FSTL5: variants seen among roughly 807,000 people sequenced by gnomAD.
The protein encoded by FSTL5 is follistatin-related protein 5.
In FSTL5, 62 loss-of-function variants were observed where a neutral mutation model predicts 89.1. That is an observed-to-expected ratio of 0.70 (90% CI 0.57 to 0.86). FSTL5 has a LOEUF of 0.86. FSTL5 is among the 40% of genes least tolerant of loss of function. The probability of loss-of-function intolerance (pLI) is 0.00; values close to 1 mark genes in which losing one functional copy is unlikely to be tolerated. For synonymous variants in FSTL5, 383 were observed against 346.2 expected (o/e 1.11, Z -1.18); for missense variants, 1,057 against 1,001.6 (o/e 1.06, Z -0.75).
At chr4:162,149,097 TG>T (rs907838896) in intron 1 of FSTL5, among the ~76,000 whole-genome samples, 3 of 152,178 alleles carry the variant, frequency 2.0e-5, no homozygotes, top group African/African-American at 7.2e-5. Flanking sequence ...ATTCAAAAAT[TG>T]TTTTGAAAAC....
At chr4:162,141,305 C>T (rs1293601305) in intron 1 of FSTL5, among the ~76,000 whole-genome samples, 1 of 82,430 alleles carries the variant, frequency 1.2e-5, no homozygotes, top group Middle Eastern at 5.0e-3. Context: ...TTAGTAGAGA[C>T]GGGGTTTCAC....
chr4:162,064,273 A>T (rs1274373796), intron 2 of FSTL5, among the ~76,000 whole-genome samples: 1 of 151,992 alleles, frequency 6.6e-6, no homozygotes, highest in African/African-American at 2.4e-5. Flanking sequence ...TGCTAACTGC[A>T]TCTGTGGCTA....
intron 7 of FSTL5, among the ~76,000 whole-genome samples, chr4:161,619,392 A>C (rs1735023857): frequency 6.6e-6 from 1 of 152,226 alleles, no homozygotes; most frequent in East Asian, 1.9e-4. Context: ...CTACCATCAG[A>C]GTGAACAGGC....
chr4:161,836,305 G>A (rs1331445576), intron 4 of FSTL5, among the ~76,000 whole-genome samples: 15 of 121,842 alleles, frequency 1.2e-4, no homozygotes, highest in Non-Finnish European at 2.1e-4. Flanking sequence ...GGACTGTTGT[G>A]GGGTGGGGGG....
intron 7 of FSTL5, among the ~76,000 whole-genome samples, chr4:161,595,735 T>A (rs540896100): frequency 6.6e-6 from 1 of 152,146 alleles, no homozygotes; most frequent in Non-Finnish European, 1.5e-5. Context: ...AACAGCTGAA[T>A]TTCTGGCCTA....
intron 2 of FSTL5, among the ~76,000 whole-genome samples, chr4:162,086,413 C>T (rs1431189034): frequency 1.3e-5 from 2 of 151,286 alleles, no homozygotes; most frequent in East Asian, 1.9e-4. Context: ...CTTATTTTCT[C>T]GATTATGTCT....
chr4:162,095,246 A>G (rs543180722), intron 2 of FSTL5, among the ~76,000 whole-genome samples: 1 of 152,294 alleles, frequency 6.6e-6, no homozygotes, highest in South Asian at 2.1e-4. Flanking sequence ...AGTTAATTCT[A>G]AAGCCTAGAG....
At chr4:162,105,234 A>C (rs1731173707) in intron 2 of FSTL5, among the ~76,000 whole-genome samples, 1 of 152,052 alleles carries the variant, frequency 6.6e-6, no homozygotes, top group Non-Finnish European at 1.5e-5. Flanking sequence ...GTGTGGTGAG[A>C]ACACTTAAGA....
intron 2 of FSTL5, among the ~76,000 whole-genome samples, chr4:162,073,372 C>T (rs577690242): frequency 6.6e-6 from 1 of 151,540 alleles, no homozygotes; most frequent in South Asian, 2.1e-4. Context: ...ATGTGTCTTA[C>T]AATAAATTAT....
At chr4:161,614,912 A>G (rs2126639142) in intron 7 of FSTL5, among the ~76,000 whole-genome samples, 1 of 152,286 alleles carries the variant, frequency 6.6e-6, no homozygotes, top group East Asian at 1.9e-4. Context: ...GCTACCTCTT[A>G]TGGAACCTCA....
At chr4:162,132,001 C>T (rs972255566) in intron 1 of FSTL5, among the ~76,000 whole-genome samples, 1 of 152,186 alleles carries the variant, frequency 6.6e-6, no homozygotes, top group African/African-American at 2.4e-5. Context: ...ATATAGGTGG[C>T]GCAAGCCTCA....
At chr4:162,048,167 A>C (rs540228637) in intron 2 of FSTL5, among the ~76,000 whole-genome samples, 1 of 151,982 alleles carries the variant, frequency 6.6e-6, no homozygotes, top group South Asian at 2.1e-4. Context: ...TCTCTACTAA[A>C]AATACAAAAA....
intron 3 of FSTL5, among the ~76,000 whole-genome samples, chr4:161,922,998 A>G (rs1292977022): frequency 1.3e-5 from 2 of 151,900 alleles, no homozygotes; most frequent in East Asian, 1.9e-4. Context: ...TAGTAAGTAA[A>G]CAAGCCAAAA....
intron 4 of FSTL5, among the ~76,000 whole-genome samples, chr4:161,836,836 A>T (rs532694298): frequency 2.3e-4 from 35 of 152,178 alleles, no homozygotes; most frequent in Non-Finnish European, 3.8e-4. Flanking sequence ...GCAGAAAATA[A>T]TTTTTTTCAA....
At chr4:161,692,173 C>A (rs1475618372) in intron 6 of FSTL5, among the ~76,000 whole-genome samples, 1 of 151,888 alleles carries the variant, frequency 6.6e-6, no homozygotes, top group Non-Finnish European at 1.5e-5. Flanking sequence ...AGGAGAAAAG[C>A]TTTCAATCTT....
intron 4 of FSTL5, among the ~76,000 whole-genome samples, chr4:161,873,369 G>A (rs1732335955): frequency 2.0e-5 from 3 of 151,934 alleles, no homozygotes; most frequent in Non-Finnish European, 4.4e-5. Flanking sequence ...GCCCTTTAGG[G>A]TTAACAGTCA....
intron 7 of FSTL5, among the ~76,000 whole-genome samples, chr4:161,625,577 T>G (rs1239368841): frequency 2.0e-5 from 3 of 152,108 alleles, no homozygotes; most frequent in African/African-American, 7.2e-5. Context: ...CCCTATTCCC[T>G]AAGACACAAA....
In FSTL5 at chr4:161,586,101, C is replaced by T. The variant is rs182996606; in HGVS notation, c.1015+1354G>A. ...ATGTTATTAATTGATTTCCAGTACA[C>T]GTACTTCTCATCACAGGGTCCTCCT... On this transcript the variant is annotated intron_variant, in intron 8 of 15. Coordinates refer to ENST00000306100, the MANE Select transcript of FSTL5 (RefSeq NM_020116.5). Among the ~76,000 whole-genome samples, 18 of 152,288 alleles carry T rather than the reference C, an allele frequency of 1.2e-4. 1 individual carries two copies. The Middle Eastern group carries it at 0.044, about 374-fold the overall frequency.
intron 4 of FSTL5, among the ~76,000 whole-genome samples, chr4:161,909,226 C>A (rs2110822680): frequency 6.6e-6 from 1 of 152,218 alleles, no homozygotes; most frequent in Admixed American, 6.5e-5. Context: ...AGATCCCCAC[C>A]AGGAGCTCTG....
Sources: gnomAD v4.1 joint callset for allele counts (sites outside exome capture counted in the v4.1 genomes callset) on GRCh38, gnomAD v4.1.1 for gene constraint, MANE v1.5 for transcripts, NCBI Gene and HGNC (gene_info 2026-07-23, HGNC 2026-07-21) for gene names.